The following SLC4A2 variants were observed in gnomAD, a reference collection of about 807,000 sequenced individuals.
The protein encoded by SLC4A2 is anion exchange protein 2.
SLC4A2 carries 36 observed loss-of-function variants against 115.0 expected under a neutral mutation model. That is an observed-to-expected ratio of 0.31 (90% confidence interval 0.24 to 0.41). The LOEUF (loss-of-function observed/expected upper bound fraction) is 0.41. Ranked by LOEUF, SLC4A2 falls within the 10% of genes least tolerant of loss-of-function variation. SLC4A2 has a pLI of 1.00. For missense variants in SLC4A2, 1,252 were observed against 1,705.6 expected, an observed-to-expected ratio of 0.73 and a Z score of 4.68; for synonymous variants, 708 against 708.3, an observed-to-expected ratio of 1.00 and a Z score of 0.01.
rs1363610478 is a variant in SLC4A2 at position 151,066,926 on chromosome 7, G to A, written c.899G>A (p.Gly300Asp). Residue 300 changes from glycine (G) to aspartate (D), a missense_variant, in exon 7 of 23, where the codon GGC becomes GAC. Gly to Asp is a moderately conservative substitution (Grantham distance 94). This residue lies in a region of SLC4A2 where 48 missense variants were observed against 44.4 expected (regional missense o/e 1.08). Transcript: ENST00000413384. ...RKNAKGSTQS[G>D]REGREPGPTP... is the part of the protein sequence containing the mutation. Reference sequence around the variant, plus strand: ...AATGCCAAAGGTTCCACACAGAGTGGCCGAGAAGGGCGGGAGCCTGGCCCC... The same window carrying A: ...AATGCCAAAGGTTCCACACAGAGTGACCGAGAAGGGCGGGAGCCTGGCCCC... 12 of 1,613,484 alleles carry A rather than the reference G, an allele frequency of 7.4e-6. No individual in the cohort carries two copies. The highest frequency in any genetic ancestry group is 1.0e-5 in the Non-Finnish European group (12 of 1,179,832).
intron 19 of SLC4A2, 23 bp downstream of exon 19, chr7:151,074,864 G>T (rs765893115): frequency 6.4e-7 from 1 of 1,572,994 alleles, no homozygotes; most frequent in Non-Finnish European, 8.6e-7. Flanking sequence ...AGCCAAAGGG[G>T]TGTGAGAGGC....
At position 151,064,159 on chromosome 7, in the gene SLC4A2, C is replaced by T. The variant is rs777755867; in HGVS notation, c.52-43C>T. On this transcript the variant is annotated intron_variant, in intron 2 of 22. Transcript: ENST00000413384. ...AGGGTGAGGTTTCGGGGTACAATTCCCAGTGAGCCCTGTGTGTTTTCTCTC... is the reference window on the plus strand; with the variant it reads ...AGGGTGAGGTTTCGGGGTACAATTCTCAGTGAGCCCTGTGTGTTTTCTCTC... 8.1e-6 allele frequency: 13 copies of T among 1,597,596 alleles called. No individual in the cohort carries two copies. In the South Asian group the frequency reaches 1.4e-4, roughly 18 times the overall value.
At chr7:151,066,422 G>C in intron 5 of SLC4A2, 95 bp from the exon 6 acceptor site, 1 of 1,391,328 alleles carries the variant, frequency 7.2e-7, no homozygotes. Context: ...CCTGGAGTCC[G>C]ATGTGGGTCC....
intron 2 of SLC4A2, 43 bp from the exon 3 acceptor site, chr7:151,064,159 C>G: frequency 1.3e-6 from 2 of 1,597,596 alleles, no homozygotes; most frequent in Non-Finnish European, 1.7e-6. Flanking sequence ...GGTACAATTC[C>G]CAGTGAGCCC....
At position 151,071,487 on chromosome 7, in the gene SLC4A2, C is replaced by T. The variant is rs747762351; in HGVS notation, c.2073C>T (p.Arg691=). 1 of 1,613,046 alleles carries T rather than the reference C, an allele frequency of 6.2e-7. No individual in the cohort carries two copies. Among genetic ancestry groups the T allele is most frequent in the Non-Finnish European group, 8.5e-7 (1 of 1,179,970 alleles). The change falls in exon 14 of 23, where the codon CGC becomes CGT. Residue 691 remains arginine (R), a synonymous_variant. Coordinates refer to ENST00000413384, the MANE Select transcript of SLC4A2 (RefSeq NM_003040.4). This position sits in a 1 kb window ranked among gnomAD's most constrained non-coding sequence, Gnocchi z 5.5. ...GGGGGCTGATCCGAGATGTGCGGCG[C>T]CGCTATCCCCACTACCTGAGTGACT... ...PFGGLIRDVR[R]RYPHYLSDFR...
chr7:151,074,323 TA>T (rs1464739029), intron 17 of SLC4A2, 30 bp downstream of exon 17: 13 of 1,609,314 alleles, frequency 8.1e-6, no homozygotes, highest in South Asian at 5.5e-5. Context: ...AAGAGGGGGT[TA>T]GGGGCAGGAA....
In SLC4A2 at chr7:151,071,915, T is replaced by G. The variant is rs1797455201; in HGVS notation, c.2341-27T>G. 2 of 1,611,486 alleles carry G rather than the reference T, an allele frequency of 1.2e-6. No homozygotes were observed. The highest frequency in any genetic ancestry group is 1.3e-5 in the African/African-American group (1 of 74,670). On this transcript the variant is annotated intron_variant, in intron 15 of 22. Transcript: ENST00000413384. The surrounding 1 kb of genome is among the most constrained non-coding windows in gnomAD (Gnocchi z 5.5). ...TCCCCACAGCATCCCCACCCAGAGC[T>G]CAGGACCTGACTGCCCCTCCCTCCA...
Position 151,071,218 on chromosome 7 carries a change from G to T in SLC4A2, c.1896G>T (p.Gln632His), listed in dbSNP as rs1390366034. 1.3e-6 allele frequency: 2 copies of T among 1,596,034 alleles called. No homozygotes were observed. Among genetic ancestry groups the T allele is most frequent in the Non-Finnish European group, 1.7e-6 (2 of 1,171,964 alleles). The stretch of plus-strand genomic sequence containing the variant: ...GCTCTGTGGCCCACTTCCAGCGCCA[G>T]ATGCTCAAGAAGCGAGAGGAGCAGG... ...LLRSVAHFQR[Q>H]MLKKREEQGR... Residue 632 changes from glutamine (Q) to histidine (H), a missense_variant, in exon 13 of 23, where the codon CAG (glutamine) becomes CAT (histidine). Physicochemically the swap from Gln to His is conservative, Grantham distance 24. This residue lies in a region of SLC4A2 where 122 missense variants were observed against 116.8 expected (regional missense o/e 1.04). Coordinates refer to ENST00000413384, the MANE Select transcript of SLC4A2 (RefSeq NM_003040.4). This position sits in a 1 kb window ranked among gnomAD's most constrained non-coding sequence, Gnocchi z 5.5.
At chr7:151,062,546 C>T (rs1212825642) in intron 2 of SLC4A2, 10 of 1,402,802 alleles carry the variant, frequency 7.1e-6, no homozygotes, top group Middle Eastern at 1.8e-4. Flanking sequence ...CAATCAGCTC[C>T]GCTATTGGTC....
At chr7:151,073,258 T>TTTATTTTA (rs1797500147) in intron 16 of SLC4A2, among the ~76,000 whole-genome samples, 4 of 79,968 alleles carry the variant, frequency 5.0e-5, no homozygotes, top group African/African-American at 1.6e-4. Context: ...CCATCTTTAT[T>TTTATTTTA]TTATTTTATT....
At chr7:151,067,709 G>A (rs1563349118) in intron 7 of SLC4A2, among the ~76,000 whole-genome samples, 165 bp from the exon 8 acceptor site, 1 of 152,170 alleles carries the variant, frequency 6.6e-6, no homozygotes, top group Non-Finnish European at 1.5e-5. Flanking sequence ...TTAGTCAGTT[G>A]TCCAGGGTCC....
Position 151,066,622 on chromosome 7 carries a change from T to G in SLC4A2, c.684T>G (p.Pro228=), listed in dbSNP as rs984341382. 7 of 1,549,608 alleles carry G rather than the reference T, an allele frequency of 4.5e-6. No homozygotes were observed. Among genetic ancestry groups the G allele is most frequent in the African/African-American group, 1.4e-5 (1 of 73,026 alleles). ...GGCGCCCCCTGCCCAAAGCCCAGCC[T>G]GGGCACCGCAGCTACAACCTTCAGG... The part of the protein sequence containing the change: ...ASGRPLPKAQ[P]GHRSYNLQER... The change falls in exon 6 of 23, where the codon CCT becomes CCG. Residue 228 remains proline, a synonymous_variant. Coordinates refer to ENST00000413384, the MANE Select transcript of SLC4A2 (RefSeq NM_003040.4).
At chr7:151,062,109 T>C (rs1203038276) in intron 2 of SLC4A2, 71 bp downstream of exon 2, 4 of 1,327,898 alleles carry the variant, frequency 3.0e-6, no homozygotes. Flanking sequence ...CGGCCAAGGG[T>C]CCTCGCCAAC....
chr7:151,067,476 A>G (rs1406453895), intron 7 of SLC4A2, among the ~76,000 whole-genome samples: 2 of 152,208 alleles, frequency 1.3e-5, no homozygotes, highest in Non-Finnish European at 2.9e-5. Flanking sequence ...CACTGTGATT[A>G]TACTCCCCAT....
At position 151,062,038 on chromosome 7, in the gene SLC4A2, G is replaced by A. The variant is rs755551886; in HGVS notation, c.51G>A (p.Thr17=). Residue 17 remains threonine, a splice_region_variant and synonymous_variant, in exon 2 of 23, where the codon ACG becomes ACA. Coordinates refer to ENST00000413384, the MANE Select transcript of SLC4A2 (RefSeq NM_003040.4). ...CCAAGGGCGCAGATTCTTTCTGTAC[G>A]GTGAGTGTGGCCCCCAGGTCGCCAG... is the stretch of plus-strand genomic sequence containing the variant. ...RPAKGADSFC[T]PEPESLGPGT... The A allele has an allele frequency of 1.5e-5, 24 of 1,610,052 alleles. No individual in the cohort carries two copies. Among genetic ancestry groups the A allele is most frequent in the Non-Finnish European group, 2.0e-5 (23 of 1,179,422 alleles).
chr7:151,064,827 C>A, intron 4 of SLC4A2, 21 bp from the exon 5 acceptor site: 1 of 1,613,728 alleles, frequency 6.2e-7, no homozygotes, highest in Non-Finnish European at 8.5e-7. Context: ...TCACTCCTGC[C>A]CATGTGGGTC....
chr7:151,074,228 G>T lies in SLC4A2; in HGVS notation c.2725G>T (p.Ala909Ser). Residue 909 changes from alanine (A) to serine (S), a missense_variant, in exon 17 of 23, where the codon GCC (alanine) becomes TCC (serine). Ala to Ser is a moderately conservative substitution (Grantham distance 99, BLOSUM62 1). Transcript: ENST00000413384. ...NTALLSLVLM[A>S]GTFFIAFFLR... ...GGCCCTGCTGTCGCTGGTGCTCATG[G>T]CCGGCACCTTCTTCATCGCCTTCTT... 1 of 1,612,860 alleles carries T rather than the reference G, an allele frequency of 6.2e-7. No individual in the cohort carries two copies. Among genetic ancestry groups the T allele is most frequent in the South Asian group, 1.1e-5 (1 of 91,078 alleles).
rs1293811760 is a variant in SLC4A2, at chr7:151,070,358, A to G, written c.1449+12A>G. On this transcript the variant is annotated intron_variant, in intron 10 of 22. Coordinates refer to ENST00000413384, the MANE Select transcript of SLC4A2 (RefSeq NM_003040.4). The stretch of plus-strand genomic sequence containing the variant: ...AGGTGGAGCGAGAGGTGAGGGGAGA[A>G]CCAGCCCTGCCTGGGCTGGCGGCAG... 2 of 1,609,304 alleles carry G rather than the reference A, an allele frequency of 1.2e-6. No homozygotes were observed. The highest frequency in any genetic ancestry group is 1.3e-5 in the African/African-American group (1 of 74,764).
At chr7:151,075,163 G>C in intron 19 of SLC4A2, 92 bp from the exon 20 acceptor site, 2 of 1,547,358 alleles carry the variant, frequency 1.3e-6, no homozygotes, top group Non-Finnish European at 8.8e-7. Context: ...TCCAAAGCCA[G>C]ATGGAGGGAC....
Sources: allele counts gnomAD v4.1 joint callset (sites outside exome capture counted in the v4.1 genomes callset), GRCh38; gene constraint gnomAD v4.1.1; regional missense constraint gnomAD v4.1.1; non-coding constraint Gnocchi (gnomAD v3.1); transcripts MANE v1.5; gene names NCBI Gene and HGNC (gene_info 2026-07-23, HGNC 2026-07-21).